Variants in CTNNA3 observed in about 807,000 individuals in gnomAD.
The protein encoded by CTNNA3 is catenin alpha 3, also known as catenin alpha-3.
In CTNNA3, 76 loss-of-function variants were observed where a neutral mutation model predicts 95.7. That is an observed-to-expected ratio of 0.79 (90% CI 0.66 to 0.96). The LOEUF is 0.96. CTNNA3 is among the 40% of genes least tolerant of loss of function. The pLI, the probability that CTNNA3 is intolerant of heterozygous loss-of-function variation, is 0.00. For missense variants in CTNNA3, 1,191 were observed against 1,089.8 expected, an observed-to-expected ratio of 1.09 and a Z score of -1.31; for synonymous variants, 431 against 374.4, an observed-to-expected ratio of 1.15 and a Z score of -1.74.
At position 67,720,129 on chromosome 10, in the gene CTNNA3, C is replaced by CTTTTTT. The variant is rs58074397; in HGVS notation, c.-2+43299_-2+43304dup. On this transcript the variant is annotated intron_variant, in intron 1 of 17. Coordinates refer to the CTNNA3 transcript ENST00000684154. ...TCAGAGACTAGGATTGCAACCCCTG[C>CTTTTTT]TTTTTTTTTTTTTTTTTTTTTTTGC... is the stretch of plus-strand genomic sequence containing the variant. Among the ~76,000 whole-genome samples the CTTTTTT allele has an allele frequency of 9.7e-3, 64 of 6,612 alleles. 27 individuals are homozygous for CTTTTTT. Among genetic ancestry groups the CTTTTTT allele is most frequent in the African/African-American group, 0.027 (40 of 1,500 alleles). The allele number at this position is 6,612 out of a possible 152,430, so 4.3% of individuals were successfully genotyped here.
At chr10:66,479,418 A>G (rs1320800531) in intron 11 of CTNNA3, among the ~76,000 whole-genome samples, 1 of 152,050 alleles carries the variant, frequency 6.6e-6, no homozygotes, top group Admixed American at 6.6e-5. Flanking sequence ...TAAGCCAATC[A>G]CTTTTCACAC....
intron 3 of CTNNA3, among the ~76,000 whole-genome samples, chr10:67,584,385 T>C (rs1842542802): frequency 6.6e-6 from 1 of 152,146 alleles, no homozygotes; most frequent in Non-Finnish European, 1.5e-5. Context: ...GAGCAGCAAA[T>C]ATGGCAGAAC....
At chr10:67,709,544 C>T (rs1439746227) in intron 1 of CTNNA3, among the ~76,000 whole-genome samples, 1 of 152,222 alleles carries the variant, frequency 6.6e-6, no homozygotes, top group Non-Finnish European at 1.5e-5. Context: ...TTATGTACTT[C>T]CTTGAAAAAT....
intron 15 of CTNNA3, among the ~76,000 whole-genome samples, chr10:66,063,717 C>T (rs932304766): frequency 2.0e-5 from 3 of 151,912 alleles, no homozygotes; most frequent in Non-Finnish European, 4.4e-5. Flanking sequence ...ATTTTATTCT[C>T]ATTTTCTAAC....
At chr10:67,723,358 C>T (rs1001767803) in intron 1 of CTNNA3, among the ~76,000 whole-genome samples, 3 of 149,398 alleles carry the variant, frequency 2.0e-5, no homozygotes, top group African/African-American at 7.4e-5. Flanking sequence ...GTGATGCAAT[C>T]GTGGCTCACT....
chr10:66,391,695 C>A (rs1262552470), intron 11 of CTNNA3, among the ~76,000 whole-genome samples: 1 of 151,966 alleles, frequency 6.6e-6, no homozygotes, highest in Non-Finnish European at 1.5e-5. Context: ...GGACATTAAC[C>A]AGTTTTGTTT....
chr10:66,834,848 G>C (rs73310617), intron 7 of CTNNA3, among the ~76,000 whole-genome samples: 11,374 of 152,188 alleles, frequency 0.075, 559 homozygotes, highest in African/African-American at 0.14. Context: ...TTATTCTGTT[G>C]TGGAGAGTAC....
chr10:66,645,402 C>T (rs893899475), intron 9 of CTNNA3, among the ~76,000 whole-genome samples: 1 of 152,080 alleles, frequency 6.6e-6, no homozygotes, highest in East Asian at 1.9e-4. Context: ...TGTGAGACTT[C>T]GTTCGGAACT....
At chr10:66,733,454 C>T (rs1849029220) in intron 9 of CTNNA3, among the ~76,000 whole-genome samples, 1 of 151,652 alleles carries the variant, frequency 6.6e-6, no homozygotes. Context: ...TAACACTTTC[C>T]TAGGAGAAGT....
chr10:66,651,139 G>A (rs4418683), intron 9 of CTNNA3, among the ~76,000 whole-genome samples: 2 of 151,884 alleles, frequency 1.3e-5, no homozygotes, highest in Non-Finnish European at 2.9e-5. Flanking sequence ...TTTACAAACC[G>A]TGAGCTAGAC....
At chr10:66,487,303 G>A (rs1839771286) in intron 11 of CTNNA3, among the ~76,000 whole-genome samples, 1 of 140,338 alleles carries the variant, frequency 7.1e-6, no homozygotes. Context: ...CCGGGTTCAC[G>A]CTGTTCTCCT....
chr10:67,302,328 G>A (rs1305116426), intron 5 of CTNNA3, among the ~76,000 whole-genome samples: 2 of 152,028 alleles, frequency 1.3e-5, no homozygotes. Flanking sequence ...CAGTTCAATA[G>A]GAAGAATAAG....
chr10:67,558,399 G>C (rs962607737), intron 3 of CTNNA3, among the ~76,000 whole-genome samples: 2 of 152,116 alleles, frequency 1.3e-5, no homozygotes, highest in African/African-American at 4.8e-5. Context: ...TTAAAAATAG[G>C]CTTTTAATAT....
intron 15 of CTNNA3, among the ~76,000 whole-genome samples, chr10:66,006,051 T>C (rs552974359): frequency 3.1e-4 from 46 of 148,810 alleles, no homozygotes; most frequent in Non-Finnish European, 2.8e-4. Flanking sequence ...CTTGCTCTGT[T>C]GCCCAGGCTG....
chr10:66,114,131 T>C (rs1322823098), intron 13 of CTNNA3, among the ~76,000 whole-genome samples: 1 of 152,160 alleles, frequency 6.6e-6, no homozygotes, highest in Admixed American at 6.6e-5. Context: ...TTTATTTTAG[T>C]GAGGAAAATC....
chr10:66,323,926 G>A (rs549899763), intron 12 of CTNNA3, among the ~76,000 whole-genome samples: 2 of 152,066 alleles, frequency 1.3e-5, no homozygotes, highest in South Asian at 4.2e-4. Context: ...TTCGGCTTGG[G>A]GTGGTCAGAG....
At chr10:65,995,794 C>G (rs2078644522) in intron 15 of CTNNA3, among the ~76,000 whole-genome samples, 1 of 152,102 alleles carries the variant, frequency 6.6e-6, no homozygotes, top group South Asian at 2.1e-4. Flanking sequence ...CTGGGTGGGC[C>G]TGCGCTTAAG....
At chr10:67,583,670 A>G (rs1340862805) in intron 3 of CTNNA3, among the ~76,000 whole-genome samples, 2 of 152,048 alleles carry the variant, frequency 1.3e-5, no homozygotes, top group African/African-American at 4.8e-5. Context: ...ACTTGGTTCC[A>G]TTCTCCCCGT....
At chr10:66,744,609 T>G (rs1430303059) in intron 9 of CTNNA3, among the ~76,000 whole-genome samples, 1 of 152,214 alleles carries the variant, frequency 6.6e-6, no homozygotes, top group Non-Finnish European at 1.5e-5. Flanking sequence ...AAAAGTTGTT[T>G]GCCTTGCATT....
Sources: allele counts gnomAD v4.1 joint callset (sites outside exome capture counted in the v4.1 genomes callset), GRCh38; gene constraint gnomAD v4.1.1; transcripts MANE v1.5; gene names NCBI Gene and HGNC (gene_info 2026-07-23, HGNC 2026-07-21).